Variants in KCNK9 observed in about 807,000 individuals in gnomAD.
KCNK9 encodes potassium two pore domain channel subfamily K member 9.
KCNK9 carries 1 observed loss-of-function variant against 10.8 expected under a neutral mutation model. The observed-to-expected ratio is 0.09, with a 90% CI of 0.03 to 0.44. The LOEUF (loss-of-function observed/expected upper bound fraction) is 0.44. Ranked by LOEUF, KCNK9 falls within the 20% of genes least tolerant of loss-of-function variation. The pLI is 0.97. For synonymous variants in KCNK9, 231 were observed against 222.7 expected (o/e 1.04, Z -0.33); for missense variants, 303 against 515.0 (o/e 0.59, Z 3.98).
At position 139,702,572 on chromosome 8, in the gene KCNK9, G is replaced by C. The variant is rs1251119730; in HGVS notation, c.283+138C>G. On this transcript the variant is annotated intron_variant, in intron 1 of 1. Coordinates refer to ENST00000520439, the MANE Select transcript of KCNK9 (RefSeq NM_001282534.2). This position sits in a 1 kb window ranked among gnomAD's most constrained non-coding sequence, Gnocchi z 7.5. ...CGGAGGGGGGGCTCCCTAGAGAGGA[G>C]GGGGCGCTGCGGGAAGGCCCCCAAG... 3.5e-6 allele frequency: 3 copies of C among 868,962 alleles called. No individual in the cohort carries two copies. The highest frequency in any genetic ancestry group is 3.6e-5 in the South Asian group (2 of 55,414). The allele number at this position is 868,962 out of a possible 1,614,324, so 53.8% of individuals were successfully genotyped here. A position where few individuals can be genotyped will look rare whatever the true frequency, so the allele number is the denominator to read the frequency against.
At chr8:139,632,463 GAGAC>G (rs1271898588) in intron 1 of KCNK9, among the ~76,000 whole-genome samples, 1 of 152,210 alleles carries the variant, frequency 6.6e-6, no homozygotes, top group Non-Finnish European at 1.5e-5. Context: ...GGTTCTAGCA[GAGAC>G]AGACAGTGTC....
At chr8:139,624,995 C>A (rs1814920777) in intron 1 of KCNK9, among the ~76,000 whole-genome samples, 1 of 152,228 alleles carries the variant, frequency 6.6e-6, no homozygotes, top group South Asian at 2.1e-4. Context: ...ACTTCCTCAT[C>A]TGTGAAATGG....
At chr8:139,603,786 G>A (rs1349231659) in intron 2 of KCNK9, among the ~76,000 whole-genome samples, 1 of 152,208 alleles carries the variant, frequency 6.6e-6, no homozygotes, top group Non-Finnish European at 1.5e-5. Flanking sequence ...TGAAGATTCT[G>A]GAAAGCACAG....
chr8:139,643,203 A>T (rs948119778), intron 1 of KCNK9, among the ~76,000 whole-genome samples: 12 of 152,198 alleles, frequency 7.9e-5, no homozygotes, highest in African/African-American at 2.7e-4. Context: ...CACCAGCACC[A>T]GGCTCAGTCA....
chr8:139,692,721 C>T (rs905768185), intron 1 of KCNK9, among the ~76,000 whole-genome samples: 1 of 152,300 alleles, frequency 6.6e-6, no homozygotes, highest in Non-Finnish European at 1.5e-5. Flanking sequence ...CCCTTCCCTG[C>T]AGCCCGGATA....
downstream of KCNK9, among the ~76,000 whole-genome samples, chr8:139,608,055 A>C (rs1041168870): frequency 4.6e-5 from 7 of 152,146 alleles, no homozygotes; most frequent in African/African-American, 1.7e-4. Flanking sequence ...TTTGAGACAA[A>C]GACTCATGGC....
chr8:139,610,374 T>C (rs953739005), downstream of KCNK9, among the ~76,000 whole-genome samples: 1 of 152,246 alleles, frequency 6.6e-6, no homozygotes, highest in Non-Finnish European at 1.5e-5. Context: ...CTGTTTTTCA[T>C]GAAATCAATC....
chr8:139,630,655 G>A (rs777772750), intron 1 of KCNK9, among the ~76,000 whole-genome samples: 12 of 152,226 alleles, frequency 7.9e-5, no homozygotes, highest in Non-Finnish European at 1.5e-4. Flanking sequence ...CTCAGGTCCG[G>A]GGACTTGGGC....
intron 1 of KCNK9, among the ~76,000 whole-genome samples, chr8:139,621,278 G>A (rs1169598215): frequency 3.5e-4 from 50 of 141,684 alleles, no homozygotes; most frequent in African/African-American, 1.2e-3. Context: ...GTGACAGAGC[G>A]AGACTCCATC....
chr8:139,616,868 G>GT (rs1427764606), downstream of KCNK9: 2 of 151,906 alleles, frequency 1.3e-5, no homozygotes, highest in Non-Finnish European at 2.9e-5. Context: ...GCCTGTTACT[G>GT]TAAGAGCCTC....
At position 139,619,053 on chromosome 8, in the gene KCNK9, G is replaced by A. The variant is rs1814693166; in HGVS notation, c.330C>T (p.Cys110=). Residue 110 remains cysteine, a synonymous_variant, in exon 2 of 2, where the codon TGC becomes TGT. Coordinates refer to ENST00000520439, the MANE Select transcript of KCNK9 (RefSeq NM_001282534.2). ...APGTDAGKAF[C]MFYAVLGIPL... ...GGATGCCCAGCACGGCGTAGAACAT[G>A]CAGAAGGCCTTGCCCGCATCGGTGC... 1.2e-6 allele frequency: 2 copies of A among 1,614,102 alleles called. No homozygotes were observed. Among genetic ancestry groups the A allele is most frequent in the Non-Finnish European group, 1.7e-6 (2 of 1,180,048 alleles).
At chr8:139,670,914 T>A (rs1816412094) in intron 1 of KCNK9, among the ~76,000 whole-genome samples, 1 of 152,124 alleles carries the variant, frequency 6.6e-6, no homozygotes, top group Non-Finnish European at 1.5e-5. Flanking sequence ...GGAGACATTC[T>A]CATCACAGGG....
chr8:139,640,246 C>G (rs544826934), intron 1 of KCNK9, among the ~76,000 whole-genome samples: 1 of 152,376 alleles, frequency 6.6e-6, no homozygotes, highest in Non-Finnish European at 1.5e-5. Flanking sequence ...AGCATCCCAG[C>G]TCTGGCACAT....
chr8:139,679,573 T>G (rs1816639086), intron 1 of KCNK9, among the ~76,000 whole-genome samples: 1 of 152,198 alleles, frequency 6.6e-6, no homozygotes, highest in African/African-American at 2.4e-5. Flanking sequence ...TCTGTCGAAG[T>G]CACCAAGAGC....
At chr8:139,669,123 A>AC (rs962214796) in intron 1 of KCNK9, among the ~76,000 whole-genome samples, 2 of 151,996 alleles carry the variant, frequency 1.3e-5, no homozygotes, top group African/African-American at 4.8e-5. Flanking sequence ...CTGCTAAAAA[A>AC]AAAAATGCTA....
chr8:139,693,827 G>A lies in KCNK9; in HGVS notation c.283+8883C>T, dbSNP rs1032254702. Among the ~76,000 whole-genome samples, 28 of 152,292 alleles carry A rather than the reference G, an allele frequency of 1.8e-4. No individual in the cohort carries two copies. Among genetic ancestry groups the A allele is most frequent in the African/African-American group, 5.8e-4 (24 of 41,574 alleles). On this transcript the variant is annotated intron_variant, in intron 1 of 1. Coordinates refer to ENST00000520439, the MANE Select transcript of KCNK9 (RefSeq NM_001282534.2). This position sits in a 1 kb window ranked among gnomAD's most constrained non-coding sequence, Gnocchi z 4.1. Reference sequence around the variant, plus strand: ...GAGCTGCTGGGGTCTGGGGCAGGGCGAAGATGGCAGCCATGGGCTTTTAAA... The same window carrying A: ...GAGCTGCTGGGGTCTGGGGCAGGGCAAAGATGGCAGCCATGGGCTTTTAAA...
At chr8:139,603,077 G>T (rs977138117) in intron 2 of KCNK9, among the ~76,000 whole-genome samples, 3 of 152,146 alleles carry the variant, frequency 2.0e-5, no homozygotes, top group Non-Finnish European at 4.4e-5. Context: ...AATGTAAACT[G>T]CACAGAACTT....
chr8:139,638,801 G>T (rs1176861061), intron 1 of KCNK9, among the ~76,000 whole-genome samples: 1 of 152,182 alleles, frequency 6.6e-6, no homozygotes, highest in Non-Finnish European at 1.5e-5. Context: ...GGAGTCCCCA[G>T]GTTCCCCGGC....
At chr8:139,685,519 G>A (rs963362337) in intron 1 of KCNK9, among the ~76,000 whole-genome samples, 4 of 152,160 alleles carry the variant, frequency 2.6e-5, no homozygotes, top group Admixed American at 2.6e-4. Flanking sequence ...ACCTATGAGT[G>A]AGAACATGCG....
Sources: allele counts gnomAD v4.1 joint callset (sites outside exome capture counted in the v4.1 genomes callset), GRCh38; gene constraint gnomAD v4.1.1; non-coding constraint Gnocchi (gnomAD v3.1); transcripts MANE v1.5; gene names NCBI Gene and HGNC (gene_info 2026-07-23, HGNC 2026-07-21).